The following SNTG1 variants were observed in gnomAD, a reference collection of about 807,000 sequenced individuals.
The protein encoded by SNTG1 is syntrophin gamma 1.
SNTG1 carries 39 observed loss-of-function variants against 74.7 expected under a neutral mutation model. The ratio of observed to expected loss-of-function variants is 0.52; its 90% CI spans 0.40 to 0.68. The LOEUF (loss-of-function observed/expected upper bound fraction) is 0.68. Ranked by LOEUF, SNTG1 falls within the 30% of genes least tolerant of loss-of-function variation. The pLI is 0.00. For missense variants in SNTG1, 685 were observed against 609.5 expected (o/e 1.12, Z -1.30); for synonymous variants, 254 against 217.1 (o/e 1.17, Z -1.49).
intron 2 of SNTG1, among the ~76,000 whole-genome samples, chr8:50,236,475 C>T (rs1372703468): frequency 7.1e-6 from 1 of 141,068 alleles, no homozygotes; most frequent in Non-Finnish European, 1.5e-5. Flanking sequence ...TTTTGAGACG[C>T]AGTCTCGCTC....
At position 50,536,567 on chromosome 8, in the gene SNTG1, C is replaced by T. The variant is rs1030480117; in HGVS notation, c.550-111C>T. 78 of 1,330,956 alleles carry T rather than the reference C, an allele frequency of 5.9e-5. No homozygotes were observed. In the Middle Eastern group the frequency reaches 7.0e-4, roughly 12 times the overall value. The allele number at this position is 1,330,956 out of a possible 1,614,324, so 82.4% of individuals were successfully genotyped here. ...TCTTCTCATGGTATTCCATTAAAGT[C>T]TTTTGATCATTTAGGGGAAAAATAA... On this transcript the variant is annotated intron_variant, in intron 10 of 18. Transcript: ENST00000642720.
At chr8:50,191,970 C>T (rs1179284050) in intron 2 of SNTG1, among the ~76,000 whole-genome samples, 2 of 152,014 alleles carry the variant, frequency 1.3e-5, no homozygotes, top group African/African-American at 4.8e-5. Flanking sequence ...AACTAAAGAG[C>T]TTTTGCACAG....
intron 9 of SNTG1, among the ~76,000 whole-genome samples, chr8:50,512,365 A>C (rs1029387318): frequency 4.0e-5 from 6 of 150,780 alleles, no homozygotes; most frequent in African/African-American, 1.5e-4. Flanking sequence ...CCTTCATTTC[A>C]ACTTTGGTGA....
rs993255412 is a variant in SNTG1, at chr8:50,260,336, A to C, written c.-28+87701A>C. 5.3e-5 allele frequency among the ~76,000 whole-genome samples: 8 copies of C among 152,300 alleles called. 1 individual carries two copies. The highest frequency in any genetic ancestry group is 4.1e-4 in the South Asian group (2 of 4,828). On this transcript the variant is annotated intron_variant, in intron 2 of 18. Coordinates refer to ENST00000642720, the MANE Select transcript of SNTG1 (RefSeq NM_018967.5). ...CCCTTGTAGCATTTCTGTCTCACCA[A>C]AGCAGAGGAGACTGAAAAGGATTTG...
chr8:50,457,156 T>A (rs1190246059), intron 8 of SNTG1: 1 of 152,206 alleles, frequency 6.6e-6, no homozygotes, highest in Non-Finnish European at 1.5e-5. Context: ...GTTTTTCTCA[T>A]CTGAAGGATT....
chr8:50,102,274 C>A (rs1291957302), intron 1 of SNTG1, among the ~76,000 whole-genome samples: 1 of 151,228 alleles, frequency 6.6e-6, no homozygotes, highest in Non-Finnish European at 1.5e-5. Context: ...GATGATATCT[C>A]ATTGTGGTTT....
intron 1 of SNTG1, among the ~76,000 whole-genome samples, chr8:50,147,438 C>T (rs1176076781): frequency 6.6e-6 from 1 of 152,056 alleles, no homozygotes; most frequent in Non-Finnish European, 1.5e-5. Flanking sequence ...AATCACTGTA[C>T]CTTATTTGGA....
intron 2 of SNTG1, among the ~76,000 whole-genome samples, chr8:50,220,664 G>A (rs1428151711): frequency 6.6e-6 from 1 of 152,206 alleles, no homozygotes; most frequent in Non-Finnish European, 1.5e-5. Flanking sequence ...TGTCTGTGGA[G>A]GCAGGGCAAT....
intron 18 of SNTG1, among the ~76,000 whole-genome samples, chr8:50,778,297 G>C (rs1204683361): frequency 6.6e-6 from 1 of 152,148 alleles, no homozygotes; most frequent in Non-Finnish European, 1.5e-5. Context: ...CACAATGGTT[G>C]AACTAGTTTA....
At chr8:50,364,052 A>G (rs2092039248) in intron 2 of SNTG1, among the ~76,000 whole-genome samples, 2 of 152,162 alleles carry the variant, frequency 1.3e-5, no homozygotes, top group South Asian at 4.1e-4. Context: ...GGAAGCTCTC[A>G]GAATCCCTTT....
At chr8:50,582,908 T>A (rs1034064398) in intron 12 of SNTG1, among the ~76,000 whole-genome samples, 1 of 152,142 alleles carries the variant, frequency 6.6e-6, no homozygotes, top group Non-Finnish European at 1.5e-5. Context: ...GAGCCTATAG[T>A]TTTCTAGAAA....
At chr8:50,381,564 G>A (rs976736406) in intron 2 of SNTG1, among the ~76,000 whole-genome samples, 10 of 117,466 alleles carry the variant, frequency 8.5e-5, no homozygotes, top group African/African-American at 2.8e-4. Context: ...GGATATGTGT[G>A]TGTGTGTGTG....
intron 4 of SNTG1, among the ~76,000 whole-genome samples, chr8:50,432,528 T>G (rs946352925): frequency 6.6e-6 from 1 of 152,124 alleles, no homozygotes; most frequent in East Asian, 1.9e-4. Flanking sequence ...AACCTAAAAA[T>G]TAGTTTGCTA....
chr8:50,459,869 C>T (rs1483961989), intron 8 of SNTG1, among the ~76,000 whole-genome samples: 1 of 152,158 alleles, frequency 6.6e-6, no homozygotes, highest in East Asian at 1.9e-4. Flanking sequence ...TGCCATATAA[C>T]ATTTCATGGT....
At chr8:50,028,017 T>G (rs964807783) in intron 1 of SNTG1, among the ~76,000 whole-genome samples, 3 of 152,196 alleles carry the variant, frequency 2.0e-5, no homozygotes, top group African/African-American at 2.4e-5. Flanking sequence ...TGTTACATTG[T>G]GTGTGTGTAG....
chr8:50,164,428 T>C (rs1288306554), intron 1 of SNTG1: 2 of 152,208 alleles, frequency 1.3e-5, no homozygotes, highest in Non-Finnish European at 2.9e-5. Context: ...CTGGTACTTA[T>C]TCATTTAAAG....
chr8:50,409,461 A>G (rs1423189550), intron 4 of SNTG1, among the ~76,000 whole-genome samples: 1 of 152,232 alleles, frequency 6.6e-6, no homozygotes, highest in East Asian at 1.9e-4. Context: ...ATCATTTAAA[A>G]ATAGTATCAA....
intron 2 of SNTG1, among the ~76,000 whole-genome samples, chr8:50,250,141 T>C (rs2086583407): frequency 6.6e-6 from 1 of 151,526 alleles, no homozygotes; most frequent in Admixed American, 6.6e-5. Flanking sequence ...AAAAACAGAA[T>C]TGTTGGAGCT....
At chr8:50,003,657 T>C (rs949825129) in intron 1 of SNTG1, among the ~76,000 whole-genome samples, 9 of 152,204 alleles carry the variant, frequency 5.9e-5, no homozygotes, top group Admixed American at 3.3e-4. Context: ...ATTTAGAAGA[T>C]AGACATTTTT....
Sources: gnomAD v4.1 joint callset for allele counts (sites outside exome capture counted in the v4.1 genomes callset) on GRCh38, gnomAD v4.1.1 for gene constraint, MANE v1.5 for transcripts, NCBI Gene and HGNC (gene_info 2026-07-23, HGNC 2026-07-21) for gene names.